CYP20A1: variants seen among roughly 807,000 people sequenced by gnomAD.
CYP20A1 encodes cytochrome P450 family 20 subfamily A member 1, also known as cytochrome P450 20A1.
In CYP20A1, 61 loss-of-function variants were observed where a neutral mutation model predicts 61.4. That is an observed-to-expected ratio of 0.99 (90% CI 0.81 to 1.23). CYP20A1 has a LOEUF of 1.23. Ranked by LOEUF, CYP20A1 falls within the 50% of genes most tolerant of loss-of-function variation. CYP20A1 has a pLI of 0.00. For synonymous variants in CYP20A1, 193 were observed against 188.2 expected, an observed-to-expected ratio of 1.03 and a Z score of -0.21; for missense variants, 530 against 542.4, an observed-to-expected ratio of 0.98 and a Z score of 0.23.
At chr2:203,294,941 A>AATTTT (rs2068718528) in intron 11 of CYP20A1, among the ~76,000 whole-genome samples, 7 of 45,432 alleles carry the variant, frequency 1.5e-4, no homozygotes, top group African/African-American at 2.5e-4. Flanking sequence ...CTTTAAAAAA[A>AATTTT]TTTTTTTTTT....
chr2:203,283,524 A>T (rs1182439912), intron 8 of CYP20A1, among the ~76,000 whole-genome samples: 4 of 136,560 alleles, frequency 2.9e-5, no homozygotes, highest in Non-Finnish European at 6.3e-5. Flanking sequence ...CCAATGTGAG[A>T]TTATTAAATT....
chr2:203,267,583 G>A (rs574703545), intron 5 of CYP20A1, among the ~76,000 whole-genome samples: 2 of 150,046 alleles, frequency 1.3e-5, no homozygotes, highest in African/African-American at 2.5e-5. Context: ...GGTGGCTCAC[G>A]CCTGTAATCT....
chr2:203,246,689 A>C, intron 2 of CYP20A1, 66 bp from the exon 3 acceptor site: 1 of 1,482,478 alleles, frequency 6.7e-7, no homozygotes, highest in South Asian at 1.2e-5. Flanking sequence ...ATTCAGAGTC[A>C]ACTGTTGTTT....
At chr2:203,268,075 C>T (rs2152077017) in intron 5 of CYP20A1, among the ~76,000 whole-genome samples, 1 of 152,246 alleles carries the variant, frequency 6.6e-6, no homozygotes, top group East Asian at 1.9e-4. Flanking sequence ...GCTCCACATG[C>T]TTTTGTCATT....
chr2:203,240,971 G>A (rs919306287), intron 1 of CYP20A1, among the ~76,000 whole-genome samples: 1 of 152,202 alleles, frequency 6.6e-6, no homozygotes, highest in African/African-American at 2.4e-5. Flanking sequence ...CTCCAGGTAA[G>A]GATGGAAGCA....
intron 8 of CYP20A1, among the ~76,000 whole-genome samples, chr2:203,280,629 A>T (rs958128688): frequency 6.6e-6 from 1 of 152,236 alleles, no homozygotes; most frequent in African/African-American, 2.4e-5. Context: ...TGAGCCCAAG[A>T]GATTGAAGCT....
chr2:203,241,669 G>A (rs2066259639), intron 1 of CYP20A1, among the ~76,000 whole-genome samples: 1 of 152,034 alleles, frequency 6.6e-6, no homozygotes, highest in Non-Finnish European at 1.5e-5. Context: ...TTTATTTTTT[G>A]TTTTGTTTCA....
rs143987731 is a variant in CYP20A1, at chr2:203,243,937, G to A, written c.73-1909G>A. ...ACTCCTGGACTCAAATGATCGTCCTGCCTTGGCCTCCCAAAGTACTGGGAT... is the reference window on the plus strand; with the variant it reads ...ACTCCTGGACTCAAATGATCGTCCTACCTTGGCCTCCCAAAGTACTGGGAT... On this transcript the variant is annotated intron_variant, in intron 1 of 12. Coordinates refer to ENST00000356079, the MANE Select transcript of CYP20A1 (RefSeq NM_177538.3). Among the ~76,000 whole-genome samples, 270 of 151,258 alleles carry A rather than the reference G, an allele frequency of 1.8e-3. 2 individuals carry two copies. The highest frequency in any genetic ancestry group is 5.9e-3 in the African/African-American group (242 of 41,218).
At chr2:203,267,288 T>A (rs575764608) in intron 5 of CYP20A1, among the ~76,000 whole-genome samples, 1 of 152,152 alleles carries the variant, frequency 6.6e-6, no homozygotes, top group South Asian at 2.1e-4. Context: ...ATCCCAGCAC[T>A]TTGGGAGGCC....
chr2:203,251,818 A>ATGTGT (rs34132653), intron 3 of CYP20A1, 149 bp from the exon 4 acceptor site: 1 of 77,324 alleles, frequency 1.3e-5, no homozygotes, highest in Non-Finnish European at 2.9e-5. Flanking sequence ...TATATATATA[A>ATGTGT]AAAATAAAAA....
chr2:203,280,270 A>G (rs190187419), intron 8 of CYP20A1, among the ~76,000 whole-genome samples, 157 bp downstream of exon 8: 2 of 152,246 alleles, frequency 1.3e-5, no homozygotes, highest in East Asian at 3.9e-4. Flanking sequence ...GACCCTCTCT[A>G]CAAAAAAAAT....
rs188273535 is a variant in CYP20A1 at position 203,299,669 on chromosome 2, G to A, written c.*2761G>A. 7.8e-4 allele frequency among the ~76,000 whole-genome samples: 118 copies of A among 152,204 alleles called. No homozygotes were observed. The highest frequency in any genetic ancestry group is 2.4e-3 in the African/African-American group (101 of 41,540). ...GCAGGCAGATCACCTGAGGTCAGGC[G>A]TTCAAGACCAGCCTGACCAACATGG... On this transcript the variant is annotated 3_prime_UTR_variant, in exon 13 of 13. Transcript: ENST00000356079.
chr2:203,287,215 CAAA>C (rs1168549640), intron 9 of CYP20A1, among the ~76,000 whole-genome samples: 9 of 47,066 alleles, frequency 1.9e-4, no homozygotes, highest in African/African-American at 4.5e-4. Flanking sequence ...GACCCTATCT[CAAA>C]AAAAAAAAAA....
At chr2:203,270,785 C>G (rs1236890507) in intron 5 of CYP20A1, among the ~76,000 whole-genome samples, 6 of 144,658 alleles carry the variant, frequency 4.1e-5, no homozygotes, top group Non-Finnish European at 9.0e-5. Context: ...CTCACTGCAG[C>G]CTTCACCTCC....
intron 4 of CYP20A1, among the ~76,000 whole-genome samples, chr2:203,257,772 G>A (rs2066948156): frequency 6.6e-6 from 1 of 151,384 alleles, no homozygotes; most frequent in African/African-American, 2.4e-5. Context: ...CCAGGCAACA[G>A]TGCATGGACT....
chr2:203,263,096 C>T (rs1046020737), intron 4 of CYP20A1, among the ~76,000 whole-genome samples: 2 of 151,774 alleles, frequency 1.3e-5, no homozygotes, highest in Non-Finnish European at 2.9e-5. Context: ...TCAAGCAGTT[C>T]TCCTGCCTCA....
intron 3 of CYP20A1, among the ~76,000 whole-genome samples, chr2:203,247,599 C>G (rs559917701): frequency 3.9e-5 from 6 of 152,258 alleles, no homozygotes; most frequent in African/African-American, 1.4e-4. Context: ...TGGCTCACAC[C>G]TGTAATCTCA....
At chr2:203,240,052 C>A (rs2066198623) in intron 1 of CYP20A1, among the ~76,000 whole-genome samples, 1 of 152,148 alleles carries the variant, frequency 6.6e-6, no homozygotes, top group South Asian at 2.1e-4. Flanking sequence ...GCCAAGATCG[C>A]ACCACTGCAC....
intron 1 of CYP20A1, among the ~76,000 whole-genome samples, chr2:203,245,347 A>T (rs66816212): frequency 0.31 from 16,081 of 52,600 alleles, 1,378 homozygotes; most frequent in African/African-American, 0.4. Flanking sequence ...TTAAAAAAAA[A>T]TTTTTTTTTT....
Sources: gnomAD v4.1 joint callset for allele counts (sites outside exome capture counted in the v4.1 genomes callset) on GRCh38, gnomAD v4.1.1 for gene constraint, MANE v1.5 for transcripts, NCBI Gene and HGNC (gene_info 2026-07-23, HGNC 2026-07-21) for gene names.